HK1: variants seen among roughly 807,000 people sequenced by gnomAD.
HK1 encodes hexokinase-1.
In HK1, 28 loss-of-function variants were observed where a neutral mutation model predicts 91.6. That is an observed-to-expected ratio of 0.31 (90% CI 0.23 to 0.42). The LOEUF (loss-of-function observed/expected upper bound fraction) is 0.42, where lower values mean the gene tolerates loss of function less well. Ranked by LOEUF, HK1 falls within the 10% of genes least tolerant of loss-of-function variation. The probability of loss-of-function intolerance (pLI) is 1.00; values close to 1 mark genes in which losing one functional copy is unlikely to be tolerated. For missense variants in HK1, 770 were observed against 1,219.8 expected (o/e 0.63, Z 5.49); for synonymous variants, 430 against 468.1 (o/e 0.92, Z 1.05).
chr10:69,273,084 G>A (rs1338952350), intron 1 of HK1, among the ~76,000 whole-genome samples: 1 of 146,504 alleles, frequency 6.8e-6, no homozygotes, highest in African/African-American at 2.6e-5. Context: ...AGGCTGGAGT[G>A]CAGTAGTGCA....
chr10:69,302,580 T>C (rs1845928705), intron 5 of HK1, among the ~76,000 whole-genome samples: 1 of 151,784 alleles, frequency 6.6e-6, no homozygotes, highest in South Asian at 2.1e-4. Context: ...GCTAAGACTC[T>C]GTCTCTACAA....
intron 1 of HK1, among the ~76,000 whole-genome samples, chr10:69,273,995 A>AT (rs769729182): frequency 9.7e-4 from 145 of 149,526 alleles, no homozygotes; most frequent in Middle Eastern, 3.4e-3. Flanking sequence ...ACTTCTTTGC[A>AT]TTTTTTTTTA....
At chr10:69,392,790 C>T (rs1436128229) in intron 15 of HK1, among the ~76,000 whole-genome samples, 2 of 152,126 alleles carry the variant, frequency 1.3e-5, no homozygotes, top group Non-Finnish European at 2.9e-5. Flanking sequence ...TCTCAAGCCC[C>T]CAGGAATCAG....
intron 1 of HK1, among the ~76,000 whole-genome samples, chr10:69,327,973 A>G (rs1032735412): frequency 2.0e-5 from 3 of 152,188 alleles, no homozygotes; most frequent in African/African-American, 7.2e-5. Flanking sequence ...ATGGCTCTCC[A>G]TGGCCCCTGG....
intron 7 of HK1, among the ~76,000 whole-genome samples, chr10:69,372,142 G>A (rs1235951241): frequency 2.0e-5 from 3 of 152,194 alleles, no homozygotes; most frequent in Admixed American, 2.0e-4. Context: ...GGTCTTGTGA[G>A]ACTTATTCAA....
At chr10:69,297,114 G>A (rs1845604175) in intron 4 of HK1, among the ~76,000 whole-genome samples, 1 of 152,124 alleles carries the variant, frequency 6.6e-6, no homozygotes, top group Non-Finnish European at 1.5e-5. Flanking sequence ...TAAAACTACT[G>A]TTGACCAAAA....
At chr10:69,341,063 T>C (rs1300139389) in intron 1 of HK1, among the ~76,000 whole-genome samples, 1 of 152,166 alleles carries the variant, frequency 6.6e-6, no homozygotes, top group African/African-American at 2.4e-5. Flanking sequence ...GGGCTGCTGA[T>C]GAATGCCACC....
At chr10:69,391,549 G>A (rs1839896686) in intron 14 of HK1, among the ~76,000 whole-genome samples, 1 of 152,352 alleles carries the variant, frequency 6.6e-6, no homozygotes, top group Non-Finnish European at 1.5e-5. Flanking sequence ...GGCTGAGGTG[G>A]GAAAATCACT....
chr10:69,339,246 G>A (rs568675127), intron 1 of HK1, among the ~76,000 whole-genome samples: 65 of 152,342 alleles, frequency 4.3e-4, no homozygotes, highest in African/African-American at 1.5e-3. Flanking sequence ...TGCCTGCCTG[G>A]CTGGGCAGTG....
chr10:69,332,587 G>A (rs1308421657), intron 1 of HK1, among the ~76,000 whole-genome samples: 1 of 151,652 alleles, frequency 6.6e-6, no homozygotes, highest in Admixed American at 6.6e-5. Context: ...TTGCCATGTT[G>A]GCCAGGCTGG....
intron 1 of HK1, among the ~76,000 whole-genome samples, chr10:69,333,115 G>T (rs1488357528): frequency 6.6e-6 from 1 of 152,234 alleles, no homozygotes; most frequent in Non-Finnish European, 1.5e-5. Context: ...CATGATTGCT[G>T]TTTTACTGAT....
intron 1 of HK1, among the ~76,000 whole-genome samples, chr10:69,324,400 G>A (rs1378819001): frequency 6.6e-6 from 1 of 151,906 alleles, no homozygotes; most frequent in East Asian, 1.9e-4. Flanking sequence ...AGACCAGCCT[G>A]ACCAACATGG....
At chr10:69,354,280 T>C (rs1011592608) in intron 2 of HK1, among the ~76,000 whole-genome samples, 5 of 152,190 alleles carry the variant, frequency 3.3e-5, no homozygotes, top group African/African-American at 1.2e-4. Context: ...GCTGTATTAG[T>C]CCGTTTTCAT....
chr10:69,326,658 T>G (rs1282568968), intron 1 of HK1, among the ~76,000 whole-genome samples: 1 of 152,228 alleles, frequency 6.6e-6, no homozygotes, highest in African/African-American at 2.4e-5. Context: ...TATGAAATAT[T>G]TGAGGCACAT....
exon 4 of HK1, chr10:69,295,672 G>C: frequency 2.5e-6 from 4 of 1,599,702 alleles, no homozygotes; most frequent in Non-Finnish European, 3.4e-6. Context: ...TCTACTTGCT[G>C]AAAGTGAGGT....
chr10:69,308,646 C>T (rs926791320), intron 5 of HK1, among the ~76,000 whole-genome samples: 2 of 152,132 alleles, frequency 1.3e-5, no homozygotes, highest in Admixed American at 6.6e-5. Context: ...GGCCTGGTTT[C>T]GGGTCTGGTT....
intron 13 of HK1, among the ~76,000 whole-genome samples, chr10:69,387,221 A>C (rs982483028): frequency 2.0e-5 from 3 of 152,202 alleles, no homozygotes; most frequent in African/African-American, 7.2e-5. Flanking sequence ...CACTTCTTTA[A>C]ACCTTCCCCC....
intron 13 of HK1, chr10:69,386,672 C>G (rs1267741043): frequency 2.7e-6 from 1 of 371,134 alleles, no homozygotes; most frequent in East Asian, 6.8e-5. Context: ...GTCCCAGCTA[C>G]TCGGGAGACT....
At chr10:69,368,309 T>C (rs1439372987) in intron 4 of HK1, among the ~76,000 whole-genome samples, 1 of 152,240 alleles carries the variant, frequency 6.6e-6, no homozygotes, top group Non-Finnish European at 1.5e-5. Context: ...CTGGATATTG[T>C]GAGCAGGTTT....
Sources: allele counts gnomAD v4.1 joint callset (sites outside exome capture counted in the v4.1 genomes callset), GRCh38; gene constraint gnomAD v4.1.1; transcripts MANE v1.5; gene names NCBI Gene and HGNC (gene_info 2026-07-23, HGNC 2026-07-21).